NHSL1: variants seen among roughly 807,000 people sequenced by gnomAD.
NHSL1 encodes the protein NHS like 1.
NHSL1 carries 48 observed loss-of-function variants against 95.0 expected under a neutral mutation model. That is an observed-to-expected ratio of 0.51 (90% CI 0.40 to 0.64). The LOEUF is 0.64. NHSL1 is among the 30% of genes least tolerant of loss of function. The probability of loss-of-function intolerance (pLI) is 0.00; values close to 1 mark genes in which losing one functional copy is unlikely to be tolerated. For missense variants in NHSL1, 1,971 were observed against 2,077.7 expected (o/e 0.95, Z 1.00); for synonymous variants, 783 against 833.9 (o/e 0.94, Z 1.05).
rs1000514981 is a variant in NHSL1, at chr6:138,432,176, G to A, written c.2169C>T (p.Ser723=). ...AGGGCTCTTCCAAGTCACTGCAGGGGCTCTGGGAGGGCGAGCTGCCACTCT... is the reference window on the plus strand; with the variant it reads ...AGGGCTCTTCCAAGTCACTGCAGGGACTCTGGGAGGGCGAGCTGCCACTCT... ...PGKSGSSPSQ[S]PCSDLEEPWL... The change falls in exon 6 of 8, where the codon AGC becomes AGT. Residue 723 remains serine, a synonymous_variant. Coordinates refer to ENST00000343505, the MANE Select transcript of NHSL1 (RefSeq NM_001144060.2). This position sits in a 1 kb window ranked among gnomAD's most constrained non-coding sequence, Gnocchi z 4.4. The A allele has an allele frequency of 6.5e-7, 1 of 1,547,194 alleles. No homozygotes were observed. Among genetic ancestry groups the A allele is most frequent in the Non-Finnish European group, 8.7e-7 (1 of 1,144,534 alleles).
At chr6:138,546,441 A>C (rs1009620313), upstream of NHSL1, among the ~76,000 whole-genome samples, 4 of 130,574 alleles carry the variant, frequency 3.1e-5, no homozygotes, top group African/African-American at 1.2e-4. Flanking sequence ...AAAAAAAAAA[A>C]AAAAAAAAAA....
At chr6:138,474,665 A>C (rs1778957264) in intron 2 of NHSL1, among the ~76,000 whole-genome samples, 1 of 152,206 alleles carries the variant, frequency 6.6e-6, no homozygotes, top group Non-Finnish European at 1.5e-5. Flanking sequence ...TAGGTCAAAA[A>C]TGTTGTGGTC....
At chr6:138,550,245 A>T (rs1249682743), upstream of NHSL1, among the ~76,000 whole-genome samples, 3 of 152,184 alleles carry the variant, frequency 2.0e-5, no homozygotes, top group African/African-American at 2.4e-5. Flanking sequence ...TCTCCAAAAA[A>T]AAAATAATAA....
rs11966108 is a variant in NHSL1 at position 138,658,068 on chromosome 6, T to C, written c.96+34408A>G. 2.2e-3 allele frequency among the ~76,000 whole-genome samples: 328 copies of C among 152,260 alleles called. 4 individuals are homozygous for C. The highest frequency in any genetic ancestry group is 7.4e-3 in the African/African-American group (306 of 41,550). On this transcript the variant is annotated intron_variant, in intron 1 of 3. Transcript: ENST00000491526. ...AGCCATCTCCCGAAAATGAAGTCTC[T>C]AGCTGTTACTGAGTTCTATTATGGT...
At chr6:138,486,146 A>G (rs1291794577) in intron 2 of NHSL1, among the ~76,000 whole-genome samples, 1 of 151,762 alleles carries the variant, frequency 6.6e-6, no homozygotes, top group Non-Finnish European at 1.5e-5. Flanking sequence ...CATATCTGTA[A>G]TCCTTTCCCC....
chr6:138,625,903 G>C (rs1182221037), intron 1 of NHSL1, among the ~76,000 whole-genome samples: 2 of 152,152 alleles, frequency 1.3e-5, no homozygotes, highest in Non-Finnish European at 2.9e-5. Context: ...TAGGACTCTC[G>C]AAGTGCTGGG....
intron 1 of NHSL1, among the ~76,000 whole-genome samples, chr6:138,637,879 A>G (rs1331420443): frequency 3.3e-5 from 5 of 152,262 alleles, no homozygotes; most frequent in Admixed American, 2.0e-4. Context: ...TACTAGGTAT[A>G]TACCCAAAAT....
At chr6:138,527,261 G>GAA (rs35598042) in intron 1 of NHSL1, among the ~76,000 whole-genome samples, 5 of 147,216 alleles carry the variant, frequency 3.4e-5, no homozygotes, top group East Asian at 4.0e-4. Flanking sequence ...GTACAGAAGG[G>GAA]AAAAAAAAAA....
At chr6:138,623,087 A>G (rs1306764971) in intron 1 of NHSL1, among the ~76,000 whole-genome samples, 1 of 152,262 alleles carries the variant, frequency 6.6e-6, no homozygotes, top group Non-Finnish European at 1.5e-5. Context: ...TGAAGTCACC[A>G]AGGATGTTGA....
upstream of NHSL1, among the ~76,000 whole-genome samples, chr6:138,693,169 T>G (rs1174344811): frequency 5.3e-5 from 8 of 150,928 alleles, no homozygotes; most frequent in Admixed American, 1.3e-4. The surrounding 1 kb of genome is among the most constrained non-coding windows in gnomAD (Gnocchi z 4.3). Context: ...CTTCCCTCCC[T>G]CCGGATTGGA....
chr6:138,639,986 C>T (rs920481481), intron 1 of NHSL1, among the ~76,000 whole-genome samples: 18 of 150,298 alleles, frequency 1.2e-4, no homozygotes, highest in Admixed American at 4.7e-4. Context: ...TTCTCATCAT[C>T]GTATTGCACA....
At chr6:138,519,622 G>A (rs998355638) in intron 1 of NHSL1, among the ~76,000 whole-genome samples, 59 of 152,162 alleles carry the variant, frequency 3.9e-4, no homozygotes, top group African/African-American at 1.2e-3. Flanking sequence ...GGAAAATCTT[G>A]TGAAAAATTT....
intron 1 of NHSL1, among the ~76,000 whole-genome samples, chr6:138,541,098 T>C (rs1782560989): frequency 1.3e-5 from 2 of 152,338 alleles, no homozygotes; most frequent in East Asian, 1.9e-4. Context: ...CCAGGCGTGG[T>C]GGCTCACGCC....
At chr6:138,563,681 C>T (rs1210893622) in intron 1 of NHSL1, among the ~76,000 whole-genome samples, 1 of 152,100 alleles carries the variant, frequency 6.6e-6, no homozygotes, top group Non-Finnish European at 1.5e-5. Flanking sequence ...GGTATTATCC[C>T]ATTTTACAGT....
chr6:138,494,234 T>G (rs1780225907), intron 2 of NHSL1, among the ~76,000 whole-genome samples: 1 of 152,214 alleles, frequency 6.6e-6, no homozygotes, highest in Non-Finnish European at 1.5e-5. Context: ...TTTTCCACAT[T>G]GTGTTTGAGA....
intron 3 of NHSL1, among the ~76,000 whole-genome samples, chr6:138,466,040 T>TGGGG (rs1562298457): frequency 4.4e-5 from 4 of 91,252 alleles, no homozygotes; most frequent in Non-Finnish European, 2.2e-5. Flanking sequence ...ACACTCCTTT[T>TGGGG]TGGGGGGGGG....
intron 1 of NHSL1, among the ~76,000 whole-genome samples, chr6:138,585,230 T>C (rs1583434781): frequency 6.6e-6 from 1 of 151,988 alleles, no homozygotes; most frequent in Admixed American, 6.6e-5. Flanking sequence ...GAGCGAGAGG[T>C]GAGCTGGGAT....
intron 1 of NHSL1, among the ~76,000 whole-genome samples, chr6:138,558,708 A>G (rs10080583): frequency 0.047 from 7,082 of 152,248 alleles, 531 homozygotes; most frequent in African/African-American, 0.16. Context: ...CACGAGCTAC[A>G]GTGCCTGGCC....
At chr6:138,677,163 T>A (rs1046002758) in intron 1 of NHSL1, among the ~76,000 whole-genome samples, 5 of 152,250 alleles carry the variant, frequency 3.3e-5, no homozygotes, top group Non-Finnish European at 7.3e-5. Context: ...ATTTTTCTCA[T>A]GTTTATTCAA....
Sources: allele counts gnomAD v4.1 joint callset (sites outside exome capture counted in the v4.1 genomes callset), GRCh38; gene constraint gnomAD v4.1.1; non-coding constraint Gnocchi (gnomAD v3.1); transcripts MANE v1.5; gene names NCBI Gene and HGNC (gene_info 2026-07-23, HGNC 2026-07-21).